The following WNK2 variants were observed in gnomAD, a reference collection of about 807,000 sequenced individuals.
The protein encoded by WNK2 is WNK lysine deficient protein kinase 2.
Under a neutral mutation model 192.1 loss-of-function variants are expected in WNK2, and 67 were observed. That is an observed-to-expected ratio of 0.35 (90% CI 0.29 to 0.43). The LOEUF (loss-of-function observed/expected upper bound fraction) is 0.43, where lower values mean the gene tolerates loss of function less well. WNK2 is among the 20% of genes least tolerant of loss of function. The pLI, the probability that WNK2 is intolerant of heterozygous loss-of-function variation, is 1.00. For synonymous variants in WNK2, 1,439 were observed against 1,393.9 expected, an observed-to-expected ratio of 1.03 and a Z score of -0.72; for missense variants, 2,698 against 3,089.7, an observed-to-expected ratio of 0.87 and a Z score of 3.01.
Position 93,229,050 on chromosome 9 carries a change from G to T in WNK2, c.682-646G>T, listed in dbSNP as rs1429358309. On this transcript the variant is annotated intron_variant, in intron 2 of 29. Transcript: ENST00000427277. This position sits in a 1 kb window ranked among gnomAD's most constrained non-coding sequence, Gnocchi z 4.9. ...ACCAGGGTTCCCGGGTGATGATGGT[G>T]GCGTTTGTTTGCTGTTTTCTATTTA... Among the ~76,000 whole-genome samples, 1 of 152,152 alleles carries T rather than the reference G, an allele frequency of 6.6e-6. No homozygotes were observed. Among genetic ancestry groups the T allele is most frequent in the Non-Finnish European group, 1.5e-5 (1 of 68,018 alleles).
chr9:93,256,849 T>C lies in WNK2; in HGVS notation c.2191-99T>C, dbSNP rs938090653. The stretch of plus-strand genomic sequence containing the variant: ...GTGAATGTGAGCATGTGCGTGTGCA[T>C]GTGAGGGTGAGGGTTGATATCCTGT... On this transcript the variant is annotated intron_variant, in intron 10 of 29. Transcript: ENST00000427277. 3.5e-6 allele frequency: 4 copies of C among 1,128,460 alleles called. No homozygotes were observed. In the African/African-American group the frequency reaches 4.7e-5, roughly 13 times the overall value. The allele number at this position is 1,128,460 out of a possible 1,614,324, so 69.9% of individuals were successfully genotyped here.
intron 2 of WNK2, among the ~76,000 whole-genome samples, chr9:93,217,297 CT>C (rs1835927732): frequency 6.6e-6 from 1 of 152,236 alleles, no homozygotes; most frequent in Admixed American, 6.5e-5. Flanking sequence ...CTGCCACGTA[CT>C]GTGCACTTAC....
intron 19 of WNK2, among the ~76,000 whole-genome samples, chr9:93,269,723 A>G (rs1845753307): frequency 6.6e-6 from 1 of 152,216 alleles, no homozygotes; most frequent in African/African-American, 2.4e-5. Context: ...TGCAGGGGAC[A>G]CTGTGGTGTA....
intron 5 of WNK2, among the ~76,000 whole-genome samples, chr9:93,237,837 A>T (rs1244338845): frequency 6.6e-6 from 1 of 150,608 alleles, no homozygotes; most frequent in Non-Finnish European, 1.5e-5. Flanking sequence ...GAGGGGACCA[A>T]GGTGCAGATA....
intron 19 of WNK2, among the ~76,000 whole-genome samples, chr9:93,285,724 A>G (rs1848352520): frequency 6.6e-6 from 1 of 152,340 alleles, no homozygotes; most frequent in Non-Finnish European, 1.5e-5. Flanking sequence ...CAGAAATGCA[A>G]AAACCAGTAA....
At chr9:93,231,228 T>A in intron 4 of WNK2, 120 bp downstream of exon 4, 2 of 1,000,436 alleles carry the variant, frequency 2.0e-6, no homozygotes, top group Non-Finnish European at 3.0e-6. Flanking sequence ...GAGGAGCGTC[T>A]GGGCACGGGA....
intron 4 of WNK2, among the ~76,000 whole-genome samples, 152 bp from the exon 5 acceptor site, chr9:93,234,656 A>T (rs1839500075): frequency 6.6e-6 from 1 of 152,176 alleles, no homozygotes; most frequent in South Asian, 2.1e-4. Context: ...AGTGAGGGGC[A>T]GGGCTGGCCC....
intron 2 of WNK2, among the ~76,000 whole-genome samples, chr9:93,192,853 G>T (rs1469224882): frequency 2.6e-5 from 4 of 152,208 alleles, no homozygotes; most frequent in African/African-American, 4.8e-5. Context: ...TCCTGGGCTG[G>T]CTGGACTTGC....
intron 2 of WNK2, among the ~76,000 whole-genome samples, chr9:93,213,879 C>G (rs1835232062): frequency 1.3e-5 from 2 of 152,202 alleles, no homozygotes; most frequent in Admixed American, 1.3e-4. Flanking sequence ...TAAACTAGCA[C>G]TTTACCACAT....
rs1855314257 is a variant in WNK2, at chr9:93,320,465, C to T, written c.*73C>T. ...GACGGACCCTCAGGGCCAGCTGCTC[C>T]TCCTGTCCAGTTCACGCTGTTTTGT... On this transcript the variant is annotated 3_prime_UTR_variant, in exon 30 of 30. Transcript: ENST00000427277. 7.4e-7 allele frequency: 1 copy of T among 1,353,590 alleles called. No homozygotes were observed. Among genetic ancestry groups the T allele is most frequent in the Non-Finnish European group, 9.9e-7 (1 of 1,009,612 alleles). 83.8% of individuals were successfully genotyped at this position (1,353,590 alleles called of 1,614,324 possible).
intron 28 of WNK2, among the ~76,000 whole-genome samples, chr9:93,311,613 T>TGTGTGTGTGTGTGTGTG (rs1853656307): frequency 6.8e-6 from 1 of 146,076 alleles, no homozygotes; most frequent in Admixed American, 6.8e-5. Flanking sequence ...GTTTTTTTGT[T>TGTGTGTGTGTGTGTGTG]TGTGTGTGTG....
intron 2 of WNK2, 88 bp downstream of exon 2, chr9:93,185,698 T>A: frequency 6.8e-7 from 1 of 1,473,082 alleles, no homozygotes; most frequent in Non-Finnish European, 9.2e-7. Context: ...GCGCCTGGCC[T>A]TAAGAAGCCC....
At chr9:93,189,526 C>T (rs548347304) in intron 2 of WNK2, among the ~76,000 whole-genome samples, 38 of 152,288 alleles carry the variant, frequency 2.5e-4, no homozygotes, top group South Asian at 8.3e-4. Flanking sequence ...TGTGTCCTGC[C>T]CCAGCCGGGT....
At chr9:93,206,141 A>G (rs1833338210) in intron 2 of WNK2, among the ~76,000 whole-genome samples, 1 of 152,122 alleles carries the variant, frequency 6.6e-6, no homozygotes, top group Non-Finnish European at 1.5e-5. Context: ...ACAGGGCATC[A>G]CTGATGTCTC....
rs1280664499 is a variant in WNK2 at position 93,289,016 on chromosome 9, G to A, written c.4262G>A (p.Gly1421Glu). The A allele has an allele frequency of 6.2e-7, 1 of 1,602,826 alleles. No homozygotes were observed. The highest frequency in any genetic ancestry group is 1.7e-5 in the Admixed American group (1 of 59,010). ...SGTASQAGGP[G>E]TPQGLTSELE... is the part of the protein sequence containing the mutation. ...ACTGCCAGCCAGGCAGGGGGTCCAG[G>A]GACACCTCAGGGGCTGACCAGTGAG... The change falls in exon 20 of 30, where the codon GGG (glycine) becomes GAG (glutamate). Residue 1421 changes from glycine (G) to glutamate (E), a missense_variant. Gly to Glu is a moderately conservative substitution (Grantham distance 98). Coordinates refer to ENST00000427277, the MANE Select transcript of WNK2 (RefSeq NM_006648.4).
rs143514935 is a variant in WNK2 at position 93,299,249 on chromosome 9, G to A, written c.6103G>A (p.Ala2035Thr). The change falls in exon 25 of 30, where the codon GCG (alanine) becomes ACG (threonine). Residue 2035 changes from alanine (A) to threonine (T), a missense_variant. Physicochemically the swap from Ala to Thr is moderately conservative, Grantham distance 58 (BLOSUM62 0). Coordinates refer to ENST00000427277, the MANE Select transcript of WNK2 (RefSeq NM_006648.4). ...CSGLASDGGG[A>T]RGQGWTVYHP... The stretch of plus-strand genomic sequence containing the variant: ...CGGCTTAGCCAGTGATGGAGGCGGA[G>A]CGCGTGGCCAAGGTGATTTCCAGCT... 5.7e-6 allele frequency: 9 copies of A among 1,569,188 alleles called. No homozygotes were observed. The highest frequency in any genetic ancestry group is 7.8e-6 in the Non-Finnish European group (9 of 1,151,656).
chr9:93,295,275 G>A (rs1409875641), intron 23 of WNK2, among the ~76,000 whole-genome samples: 6 of 152,042 alleles, frequency 3.9e-5, no homozygotes, highest in Non-Finnish European at 7.4e-5. Context: ...TGGATAAGAC[G>A]CTCCCCTGCC....
chr9:93,284,201 A>C (rs1226350127), intron 19 of WNK2, among the ~76,000 whole-genome samples: 1 of 152,236 alleles, frequency 6.6e-6, no homozygotes, highest in African/African-American at 2.4e-5. Context: ...AGCTTGTTTT[A>C]TCAAACTAGC....
intron 19 of WNK2, among the ~76,000 whole-genome samples, chr9:93,279,237 A>G (rs562016404): frequency 2.2e-4 from 33 of 152,376 alleles, no homozygotes; most frequent in Admixed American, 1.3e-3. Flanking sequence ...CCCCAACACA[A>G]CTAGAATCAA....
Sources: allele counts gnomAD v4.1 joint callset (sites outside exome capture counted in the v4.1 genomes callset), GRCh38; gene constraint gnomAD v4.1.1; non-coding constraint Gnocchi (gnomAD v3.1); transcripts MANE v1.5; gene names NCBI Gene and HGNC (gene_info 2026-07-23, HGNC 2026-07-21).